Variants in IQSEC3 observed in about 807,000 individuals in gnomAD.
IQSEC3 encodes the protein IQ motif and Sec7 domain ArfGEF 3.
A neutral mutation model predicts 105.4 loss-of-function variants in IQSEC3; 50 were observed. The ratio of observed to expected loss-of-function variants is 0.47; its 90% CI spans 0.38 to 0.60. IQSEC3 has a LOEUF of 0.60. Ranked by LOEUF, IQSEC3 falls within the 20% of genes least tolerant of loss-of-function variation. The pLI, the probability that IQSEC3 is intolerant of heterozygous loss-of-function variation, is 0.00. For synonymous variants in IQSEC3, 708 were observed against 746.0 expected (o/e 0.95, Z 0.83); for missense variants, 1,415 against 1,630.0 (o/e 0.87, Z 2.27).
chr12:130,426 T>C (rs368851332), intron 3 of IQSEC3, among the ~76,000 whole-genome samples: 9 of 152,300 alleles, frequency 5.9e-5, no homozygotes, highest in African/African-American at 2.2e-4. Flanking sequence ...TAGGAAGTAA[T>C]GCAGCCAAGA....
At chr12:162,620 G>A (rs1313055581) in intron 8 of IQSEC3, among the ~76,000 whole-genome samples, 3 of 152,172 alleles carry the variant, frequency 2.0e-5, no homozygotes, top group East Asian at 1.9e-4. Flanking sequence ...CTCAGGGGAC[G>A]GTGTGGGAGA....
At chr12:94,689 G>A (rs574324662) in intron 1 of IQSEC3, among the ~76,000 whole-genome samples, 1 of 152,356 alleles carries the variant, frequency 6.6e-6, no homozygotes, top group East Asian at 1.9e-4. Flanking sequence ...GGGGACCTGG[G>A]AGGACCAGCA....
rs141868932 is a variant in IQSEC3 at position 124,336 on chromosome 12, C to T, written c.624-1297C>T. On this transcript the variant is annotated intron_variant, in intron 2 of 13. Transcript: ENST00000538872. Reference sequence around the variant, plus strand: ...TCCAGGAGGTGGAGGTTGCAGTGAGCCAAGATCTCACCATTGCACTCCAGC... The same window carrying T: ...TCCAGGAGGTGGAGGTTGCAGTGAGTCAAGATCTCACCATTGCACTCCAGC... 6.5e-3 allele frequency among the ~76,000 whole-genome samples: 969 copies of T among 148,254 alleles called. 3 individuals carry two copies. The highest frequency in any genetic ancestry group is 9.7e-3 in the Non-Finnish European group (657 of 67,544).
intron 1 of IQSEC3, among the ~76,000 whole-genome samples, chr12:82,538 A>G (rs1279313842): frequency 2.0e-5 from 3 of 152,184 alleles, no homozygotes; most frequent in East Asian, 1.9e-4. Flanking sequence ...CTAACTACAC[A>G]TGCTGACCGT....
At position 129,431 on chromosome 12, in the gene IQSEC3, T is replaced by A. The variant is rs554398907; in HGVS notation, c.903+3519T>A. Among the ~76,000 whole-genome samples, 583 of 152,298 alleles carry A rather than the reference T, an allele frequency of 3.8e-3. 3 individuals carry two copies. The highest frequency in any genetic ancestry group is 4.9e-3 in the Non-Finnish European group (334 of 68,008). On this transcript the variant is annotated intron_variant, in intron 3 of 13. Coordinates refer to ENST00000538872, the MANE Select transcript of IQSEC3 (RefSeq NM_001170738.2). ...CCCTCCAGCTTCCTGTTCTCCCTGC[T>A]GGCCCCTTCCCCAGCACCTGTCACA...
At chr12:163,787 G>A (rs1391296141) in intron 9 of IQSEC3, among the ~76,000 whole-genome samples, 168 bp downstream of exon 9, 2 of 152,236 alleles carry the variant, frequency 1.3e-5, no homozygotes, top group Admixed American at 6.5e-5. Flanking sequence ...CACCGTGGGC[G>A]TGAGGGGGCT....
intron 4 of IQSEC3, chr12:139,620 G>A (rs1055702288): frequency 1.3e-5 from 5 of 394,954 alleles, no homozygotes; most frequent in African/African-American, 2.0e-5. Context: ...AACTGTTACA[G>A]CTTAAGATGA....
chr12:149,448 T>A (rs1160415534), intron 5 of IQSEC3, among the ~76,000 whole-genome samples: 1 of 152,038 alleles, frequency 6.6e-6, no homozygotes, highest in African/African-American at 2.4e-5. Context: ...GCAGGCTGAG[T>A]AATCCTGGGC....
chr12:124,313 C>T (rs1056982252), intron 2 of IQSEC3, among the ~76,000 whole-genome samples: 2 of 146,952 alleles, frequency 1.4e-5, no homozygotes, highest in Admixed American at 1.4e-4. Context: ...CACTTGAATC[C>T]AGGAGGTGGA....
intron 2 of IQSEC3, among the ~76,000 whole-genome samples, chr12:121,550 C>T (rs797030914): frequency 2.1e-4 from 32 of 152,268 alleles, no homozygotes; most frequent in African/African-American, 7.0e-4. Flanking sequence ...AGACCAAGGC[C>T]CTTTCGCTGT....
intron 2 of IQSEC3, among the ~76,000 whole-genome samples, chr12:124,085 A>G (rs550220834): frequency 6.8e-4 from 104 of 152,224 alleles, no homozygotes; most frequent in African/African-American, 2.5e-3. Context: ...ATAGCTGGGG[A>G]AATAAGAGTT....
chr12:175,982 C>T lies in IQSEC3; in HGVS notation c.*949C>T, dbSNP rs1282913325. On this transcript the variant is annotated 3_prime_UTR_variant, in exon 14 of 14. Coordinates refer to ENST00000538872, the MANE Select transcript of IQSEC3 (RefSeq NM_001170738.2). ...GGCTCAGCCCGAGGCAGGGCTCCCT[C>T]CTGCATGAGGCTCGGCCCGAGGCAG... The T allele has an allele frequency of 7.0e-6, 1 of 142,260 alleles. No homozygotes were observed. The highest frequency in any genetic ancestry group is 6.7e-5 in the Admixed American group (1 of 14,964). The allele number at this position is 142,260 out of a possible 1,614,324, so 8.8% of individuals were successfully genotyped here.
intron 2 of IQSEC3, among the ~76,000 whole-genome samples, chr12:103,916 A>AGGGGGGGCGGGGCTCAGGAGGGGGG (rs1864552358): frequency 4.3e-5 from 1 of 23,216 alleles, no homozygotes; most frequent in Admixed American, 5.7e-4. Flanking sequence ...CAGGAGGGGG[A>AGGGGGGGCGGGGCTCAGGAGGGGGG]AGTGCTAGGC....
In IQSEC3 at chr12:92,363, C is replaced by T. The variant is rs1274395776; in HGVS notation, c.555-6783C>T. On this transcript the variant is annotated intron_variant, in intron 1 of 13. Transcript: ENST00000538872. ...CTTCGGCCCCTCCAGCCGCAGAACT[C>T]GCAGGGCCACAGCCTTGGGCTGTGG... Among the ~76,000 whole-genome samples the T allele has an allele frequency of 2.0e-5, 3 of 152,186 alleles. 1 individual carries two copies. The highest frequency in any genetic ancestry group is 4.1e-4 in the South Asian group (2 of 4,832).
rs527758206 is a variant in IQSEC3 at position 73,354 on chromosome 12, T to TA, written c.554+5923dup. 2.0e-5 allele frequency among the ~76,000 whole-genome samples: 3 copies of TA among 152,402 alleles called. No individual in the cohort carries two copies. In the South Asian group the frequency reaches 6.2e-4, roughly 32 times the overall value. On this transcript the variant is annotated intron_variant, in intron 1 of 13. Coordinates refer to ENST00000538872, the MANE Select transcript of IQSEC3 (RefSeq NM_001170738.2). ...ACCTTAAAGACTTGTCGTAAAGTTG[T>TA]AAAAATTACATATCATTTATTTAGT...
At chr12:71,213 A>G (rs1555067432) in intron 1 of IQSEC3, among the ~76,000 whole-genome samples, 2 of 152,384 alleles carry the variant, frequency 1.3e-5, no homozygotes, top group African/African-American at 4.8e-5. Flanking sequence ...CTCTGCTCCT[A>G]TTGAGTCAGA....
intron 1 of IQSEC3, among the ~76,000 whole-genome samples, chr12:76,133 A>ACAG (rs1863515540): frequency 6.9e-6 from 1 of 145,192 alleles, no homozygotes; most frequent in Admixed American, 6.8e-5. Context: ...CACACACACA[A>ACAG]GGCCTCAGCA....
intron 9 of IQSEC3, 125 bp from the exon 10 acceptor site, chr12:165,309 T>C (rs1348897760): frequency 4.1e-6 from 3 of 733,622 alleles, no homozygotes; most frequent in Non-Finnish European, 7.4e-6. Context: ...TGTATATCTG[T>C]ACCTGTATGT....
At chr12:103,888 G>A (rs117251402) in intron 2 of IQSEC3, among the ~76,000 whole-genome samples, 7 of 63,904 alleles carry the variant, frequency 1.1e-4, no homozygotes, top group East Asian at 3.1e-4. Flanking sequence ...GCGGGGGCTC[G>A]GGAGGGGAGG....
Sources: allele counts gnomAD v4.1 joint callset (sites outside exome capture counted in the v4.1 genomes callset), GRCh38; gene constraint gnomAD v4.1.1; transcripts MANE v1.5; gene names NCBI Gene and HGNC (gene_info 2026-07-23, HGNC 2026-07-21).